Variants in TNS1 observed in about 807,000 individuals in gnomAD.
TNS1 encodes tensin 1.
In TNS1, 62 loss-of-function variants were observed where a neutral mutation model predicts 168.6. That is an observed-to-expected ratio of 0.37 (90% CI 0.30 to 0.45). The LOEUF (loss-of-function observed/expected upper bound fraction) is 0.45, where lower values mean the gene tolerates loss of function less well. Ranked by LOEUF, TNS1 falls within the 20% of genes least tolerant of loss-of-function variation. The pLI, the probability that TNS1 is intolerant of heterozygous loss-of-function variation, is 1.00. For missense variants in TNS1, 2,240 were observed against 2,339.4 expected, an observed-to-expected ratio of 0.96 and a Z score of 0.88; for synonymous variants, 934 against 933.2, an observed-to-expected ratio of 1.00 and a Z score of -0.02.
At chr2:217,890,045 C>A (rs1413022450) in intron 12 of TNS1, among the ~76,000 whole-genome samples, 1 of 152,216 alleles carries the variant, frequency 6.6e-6, no homozygotes, top group Non-Finnish European at 1.5e-5. Flanking sequence ...CATTACTAGG[C>A]CTTCACGTAC....
chr2:217,954,228 C>T (rs886511182), intron 3 of TNS1, among the ~76,000 whole-genome samples: 1 of 152,202 alleles, frequency 6.6e-6, no homozygotes, highest in Admixed American at 6.5e-5. Context: ...ATTCTGGCTC[C>T]CTGGTGACCC....
rs150818270 is a variant in TNS1, at chr2:217,913,009, G to A, written c.229-5758C>T. Among the ~76,000 whole-genome samples the A allele has an allele frequency of 2.5e-3, 375 of 152,276 alleles. 4 individuals are homozygous for A. The highest frequency in any genetic ancestry group is 8.5e-3 in the African/African-American group (354 of 41,552). ...AATGTGAGATCAGATCTGCGCCTCC[G>A]AGTCTAAGACCTCTGAGGTCTGCAC... On this transcript the variant is annotated intron_variant, in intron 4 of 32. Transcript: ENST00000682258.
At chr2:217,821,237 C>G (rs562049912) in intron 23 of TNS1, among the ~76,000 whole-genome samples, 3 of 152,110 alleles carry the variant, frequency 2.0e-5, no homozygotes, top group Admixed American at 1.3e-4. Context: ...TGGAATCACA[C>G]GCTTCCACCT....
chr2:217,855,281 T>A (rs1335837652), intron 18 of TNS1, among the ~76,000 whole-genome samples: 1 of 152,226 alleles, frequency 6.6e-6, no homozygotes, highest in African/African-American at 2.4e-5. Context: ...CCTCTGTGCA[T>A]GCTGTTCCTT....
rs565573879 is a variant in TNS1, at chr2:217,801,837, T to G, written c.*2622A>C. 2.0e-5 allele frequency: 3 copies of G among 152,302 alleles called. No homozygotes were observed. In the East Asian group the frequency reaches 5.8e-4, roughly 30 times the overall value. 9.4% of individuals were successfully genotyped at this position (152,302 alleles called of 1,614,324 possible). A position where few individuals can be genotyped will look rare whatever the true frequency, so the allele number is the denominator to read the frequency against. On this transcript the variant is annotated 3_prime_UTR_variant, in exon 33 of 33. Transcript: ENST00000682258. ...CTTGAAAAGTCACACTCTCAGAAAC[T>G]GACTCCTTCCGCAGGGATGCTGGGA...
At chr2:217,913,958 G>C (rs1326514605) in intron 4 of TNS1, among the ~76,000 whole-genome samples, 1 of 152,160 alleles carries the variant, frequency 6.6e-6, no homozygotes, top group East Asian at 1.9e-4. Flanking sequence ...GCCAGCAAGA[G>C]AGACTTGCCC....
At chr2:217,851,086 T>C (rs753270423) in intron 18 of TNS1, among the ~76,000 whole-genome samples, 39 of 151,914 alleles carry the variant, frequency 2.6e-4, no homozygotes, top group Non-Finnish European at 5.3e-4. Context: ...TCAAACAGTA[T>C]GTAATTTTTA....
At chr2:217,962,302 G>A (rs1369625316) in intron 3 of TNS1, among the ~76,000 whole-genome samples, 1 of 152,176 alleles carries the variant, frequency 6.6e-6, no homozygotes, top group African/African-American at 2.4e-5. Flanking sequence ...AATTAGCTGG[G>A]CGTGGTGGCG....
chr2:217,838,944 C>G (rs1299718735), intron 19 of TNS1, among the ~76,000 whole-genome samples: 1 of 151,906 alleles, frequency 6.6e-6, no homozygotes, highest in Admixed American at 6.6e-5. Flanking sequence ...CGCCACCACC[C>G]TCCACCCCAG....
At chr2:217,983,704 C>A (rs1958115906) in intron 2 of TNS1, among the ~76,000 whole-genome samples, 1 of 152,184 alleles carries the variant, frequency 6.6e-6, no homozygotes, top group Admixed American at 6.5e-5. Flanking sequence ...CGGCGATAAC[C>A]ACTCGCATGC....
At chr2:217,925,076 AT>A (rs1347653716) in intron 3 of TNS1, among the ~76,000 whole-genome samples, 1 of 152,240 alleles carries the variant, frequency 6.6e-6, no homozygotes, top group Non-Finnish European at 1.5e-5. Flanking sequence ...TGTGACTATC[AT>A]TAAACTCCTG....
chr2:217,999,480 C>T (rs1344823608), intron 1 of TNS1, among the ~76,000 whole-genome samples: 1 of 152,218 alleles, frequency 6.6e-6, no homozygotes, highest in Non-Finnish European at 1.5e-5. Context: ...TCTCGGCCAG[C>T]ATGCTACACT....
chr2:217,891,294 C>A (rs1951721184), intron 11 of TNS1, among the ~76,000 whole-genome samples: 1 of 152,160 alleles, frequency 6.6e-6, no homozygotes. Context: ...GCCTGGGAGC[C>A]CAGCTCAGGT....
chr2:217,821,055 ATGCCTCCAGCCCTCAGAAATCC>A (rs1367631248), intron 23 of TNS1, among the ~76,000 whole-genome samples: 1 of 152,040 alleles, frequency 6.6e-6, no homozygotes, highest in Non-Finnish European at 1.5e-5. Context: ...CCCTTCACAA[ATGCCTCCAGCCCTCAGAAATCC>A]TCGCTGCATC....
At chr2:217,927,175 A>G (rs577837371) in intron 3 of TNS1, among the ~76,000 whole-genome samples, 2 of 152,322 alleles carry the variant, frequency 1.3e-5, no homozygotes, top group South Asian at 4.1e-4. Context: ...AGGTTTTGAA[A>G]GGTAGAGATG....
At chr2:217,904,924 G>A (rs181672923) in intron 6 of TNS1, among the ~76,000 whole-genome samples, 49 of 152,208 alleles carry the variant, frequency 3.2e-4, no homozygotes, top group African/African-American at 1.1e-3. Flanking sequence ...AGCAGTTCAG[G>A]ATAACACCAG....
intron 23 of TNS1, among the ~76,000 whole-genome samples, chr2:217,819,748 A>T (rs1942513405): frequency 6.6e-6 from 1 of 152,082 alleles, no homozygotes; most frequent in Admixed American, 6.5e-5. Flanking sequence ...TTTCTATCCA[A>T]CTATGGTGAG....
At chr2:217,974,569 C>T (rs752265333) in intron 3 of TNS1, among the ~76,000 whole-genome samples, 6 of 152,148 alleles carry the variant, frequency 3.9e-5, no homozygotes, top group African/African-American at 4.8e-5. Context: ...GACTATGAGC[C>T]GGCACCGAGG....
chr2:217,860,572 C>T (rs913299526), intron 18 of TNS1, among the ~76,000 whole-genome samples: 2 of 152,196 alleles, frequency 1.3e-5, no homozygotes, highest in African/African-American at 2.4e-5. Flanking sequence ...CACTTGTCCC[C>T]ACCCCAACCA....
Sources: allele counts gnomAD v4.1 joint callset (sites outside exome capture counted in the v4.1 genomes callset), GRCh38; gene constraint gnomAD v4.1.1; transcripts MANE v1.5; gene names NCBI Gene and HGNC (gene_info 2026-07-23, HGNC 2026-07-21).